The following RB1CC1 variants were observed in gnomAD, a reference collection of about 807,000 sequenced individuals.
RB1CC1 encodes the protein RB1 inducible coiled-coil 1.
A neutral mutation model predicts 177.5 loss-of-function variants in RB1CC1; 46 were observed. The observed-to-expected ratio is 0.26, with a 90% CI of 0.20 to 0.33. RB1CC1 has a LOEUF of 0.33. RB1CC1 is among the 10% of genes least tolerant of loss of function. The probability of loss-of-function intolerance (pLI) is 1.00; values close to 1 mark genes in which losing one functional copy is unlikely to be tolerated. For missense variants in RB1CC1, 1,703 were observed against 1,816.3 expected (o/e 0.94, Z 1.13); for synonymous variants, 666 against 613.6 (o/e 1.09, Z -1.26).
intron 1 of RB1CC1, among the ~76,000 whole-genome samples, chr8:52,708,473 C>T (rs1856781802): frequency 6.6e-6 from 1 of 152,108 alleles, no homozygotes; most frequent in Admixed American, 6.5e-5. Context: ...GTTGAGATCA[C>T]ACCACTGCAC....
At chr8:52,710,121 G>C (rs1402680375) in intron 1 of RB1CC1, among the ~76,000 whole-genome samples, 2 of 152,140 alleles carry the variant, frequency 1.3e-5, no homozygotes, top group Admixed American at 1.3e-4. Context: ...GGAGTGTCTA[G>C]GTTGCCCAGG....
intron 1 of RB1CC1, among the ~76,000 whole-genome samples, chr8:52,691,628 A>G (rs1854864406): frequency 6.6e-6 from 1 of 152,212 alleles, no homozygotes; most frequent in Admixed American, 6.5e-5. Context: ...GTTAATGACA[A>G]TATCATTTTC....
At chr8:52,685,352 T>C in intron 3 of RB1CC1, 47 bp downstream of exon 3, 1 of 1,337,582 alleles carries the variant, frequency 7.5e-7, no homozygotes, top group Non-Finnish European at 1.1e-6. Context: ...TTTAACTTTC[T>C]GCATGCAGAC....
intron 7 of RB1CC1, among the ~76,000 whole-genome samples, chr8:52,672,986 T>C (rs2150550741): frequency 6.6e-6 from 1 of 152,308 alleles, no homozygotes; most frequent in African/African-American, 2.4e-5. Context: ...AACTGGATAC[T>C]GAAAGAATGA....
At chr8:52,642,181 C>A (rs945539291) in intron 18 of RB1CC1, among the ~76,000 whole-genome samples, 170 bp downstream of exon 18, 1 of 152,092 alleles carries the variant, frequency 6.6e-6, no homozygotes, top group Non-Finnish European at 1.5e-5. Context: ...CAAAATAATT[C>A]ATTCAGTAAT....
At chr8:52,648,506 A>G (rs760797463) in intron 15 of RB1CC1, among the ~76,000 whole-genome samples, 1 of 152,180 alleles carries the variant, frequency 6.6e-6, no homozygotes, top group Non-Finnish European at 1.5e-5. Flanking sequence ...GGGGAGCAAG[A>G]AGCTGTGTAG....
intron 20 of RB1CC1, 130 bp from the exon 21 acceptor site, chr8:52,630,658 GTTC>G: frequency 1.3e-6 from 1 of 792,522 alleles, no homozygotes; most frequent in Non-Finnish European, 1.8e-6. Context: ...AACTAATATA[GTTC>G]TTATGTTCAT....
intron 1 of RB1CC1, among the ~76,000 whole-genome samples, chr8:52,711,908 CCTTA>C (rs371201849): frequency 6.6e-6 from 1 of 152,270 alleles, no homozygotes; most frequent in East Asian, 1.9e-4. Context: ...CACTTACACC[CCTTA>C]CTTCTCTTGG....
At chr8:52,679,464 T>C (rs1853487310) in intron 5 of RB1CC1, among the ~76,000 whole-genome samples, 2 of 152,228 alleles carry the variant, frequency 1.3e-5, no homozygotes, top group Admixed American at 6.5e-5. Flanking sequence ...GACTAAATTA[T>C]GTATTGAGTG....
chr8:52,705,113 C>A (rs112340050), intron 1 of RB1CC1, among the ~76,000 whole-genome samples: 2 of 152,174 alleles, frequency 1.3e-5, no homozygotes, highest in Non-Finnish European at 2.9e-5. Context: ...GACAGAACAA[C>A]TGTCAAAACA....
chr8:52,708,510 C>T (rs1310132141), intron 1 of RB1CC1, among the ~76,000 whole-genome samples: 1 of 151,118 alleles, frequency 6.6e-6, no homozygotes, highest in South Asian at 2.1e-4. Flanking sequence ...GAGCGAGACT[C>T]GTCTCAAAAA....
chr8:52,666,204 C>CTCTTT, intron 8 of RB1CC1, among the ~76,000 whole-genome samples: 1 of 151,960 alleles, frequency 6.6e-6, no homozygotes, highest in Non-Finnish European at 1.5e-5. Flanking sequence ...AAAGGCAAGA[C>CTCTTT]CATAAGAGTG....
chr8:52,644,992 C>T (rs781522953), intron 16 of RB1CC1, among the ~76,000 whole-genome samples: 2 of 152,152 alleles, frequency 1.3e-5, no homozygotes, highest in Non-Finnish European at 2.9e-5. Flanking sequence ...CTCCATGTTC[C>T]AGTGGGTGAT....
chr8:52,640,530 C>T (rs564627030), intron 18 of RB1CC1, among the ~76,000 whole-genome samples: 1 of 152,196 alleles, frequency 6.6e-6, no homozygotes, highest in Non-Finnish European at 1.5e-5. Context: ...TTTTTAAAGC[C>T]TTTTGCTTTG....
intron 5 of RB1CC1, among the ~76,000 whole-genome samples, chr8:52,679,926 GAGA>G (rs1365658688): frequency 6.6e-6 from 1 of 152,030 alleles, no homozygotes; most frequent in Non-Finnish European, 1.5e-5. Flanking sequence ...TTTGTCCAAG[GAGA>G]AGGACAAAAT....
intron 18 of RB1CC1, among the ~76,000 whole-genome samples, chr8:52,639,562 A>G (rs186091456): frequency 4.0e-3 from 607 of 152,322 alleles, no homozygotes; most frequent in Non-Finnish European, 6.3e-3. Context: ...AAATACTTCT[A>G]AATGTTTCAA....
At chr8:52,650,156 A>T (rs1308691688) in intron 15 of RB1CC1, among the ~76,000 whole-genome samples, 1 of 152,232 alleles carries the variant, frequency 6.6e-6, no homozygotes, top group Non-Finnish European at 1.5e-5. Context: ...GTGAAAGGGA[A>T]ATATGCCGGA....
At chr8:52,707,388 A>G (rs1563478890) in intron 1 of RB1CC1, among the ~76,000 whole-genome samples, 1 of 142,416 alleles carries the variant, frequency 7.0e-6, no homozygotes, top group African/African-American at 2.6e-5. Context: ...TCATTCTACT[A>G]TTGCCCCAAA....
At chr8:52,648,000 T>C (rs945381381) in intron 15 of RB1CC1, among the ~76,000 whole-genome samples, 1 of 152,136 alleles carries the variant, frequency 6.6e-6, no homozygotes, top group East Asian at 1.9e-4. Flanking sequence ...GTACTTATAA[T>C]TTCTAGGTGT....
Sources: gnomAD v4.1 joint callset for allele counts (sites outside exome capture counted in the v4.1 genomes callset) on GRCh38, gnomAD v4.1.1 for gene constraint, MANE v1.5 for transcripts, NCBI Gene and HGNC (gene_info 2026-07-23, HGNC 2026-07-21) for gene names.